The following ARHGAP24 variants were observed in gnomAD, a reference collection of about 807,000 sequenced individuals.
ARHGAP24 encodes the protein rho GTPase-activating protein 24.
A neutral mutation model predicts 76.4 loss-of-function variants in ARHGAP24; 50 were observed. That is an observed-to-expected ratio of 0.65 (90% CI 0.52 to 0.83). The LOEUF (loss-of-function observed/expected upper bound fraction) is 0.83, where lower values mean the gene tolerates loss of function less well. Ranked by LOEUF, ARHGAP24 falls within the 40% of genes least tolerant of loss-of-function variation. The pLI is 0.00. For synonymous variants in ARHGAP24, 345 were observed against 323.3 expected, an observed-to-expected ratio of 1.07 and a Z score of -0.72; for missense variants, 930 against 914.2, an observed-to-expected ratio of 1.02 and a Z score of -0.22.
At chr4:85,520,616 T>C (rs1724703650) in intron 1 of ARHGAP24, among the ~76,000 whole-genome samples, 1 of 152,148 alleles carries the variant, frequency 6.6e-6, no homozygotes, top group Non-Finnish European at 1.5e-5. Context: ...TATGCTACAA[T>C]AAGCCCTTGT....
intron 6 of ARHGAP24, among the ~76,000 whole-genome samples, chr4:85,972,643 T>C (rs148742309): frequency 3.9e-4 from 59 of 152,272 alleles, no homozygotes; most frequent in African/African-American, 1.4e-3. Context: ...ATTCTCAGAG[T>C]TGTGCAACTC....
Position 85,792,671 on chromosome 4 carries a change from C to T in ARHGAP24, c.268+70699C>T, listed in dbSNP as rs114705077. Among the ~76,000 whole-genome samples the T allele has an allele frequency of 7.8e-3, 1,193 of 152,208 alleles. 12 individuals are homozygous for T. Among genetic ancestry groups the T allele is most frequent in the African/African-American group, 0.027 (1,141 of 41,540 alleles). On this transcript the variant is annotated intron_variant, in intron 3 of 9. Coordinates refer to ENST00000395184, the MANE Select transcript of ARHGAP24 (RefSeq NM_001025616.3). ...ATTTCTCTCCTTGATTGTCTCAGCTCTCTCTACACACATTTTCTCAGTTTG... is the reference window on the plus strand; with the variant it reads ...ATTTCTCTCCTTGATTGTCTCAGCTTTCTCTACACACATTTTCTCAGTTTG...
At chr4:85,599,899 A>T (rs557178337) in intron 2 of ARHGAP24, among the ~76,000 whole-genome samples, 1 of 152,258 alleles carries the variant, frequency 6.6e-6, no homozygotes, top group South Asian at 2.1e-4. Context: ...TTAACCCTAA[A>T]TGTGTGCTAA....
chr4:85,516,193 G>C (rs377463952), intron 1 of ARHGAP24, among the ~76,000 whole-genome samples: 1 of 152,206 alleles, frequency 6.6e-6, no homozygotes, highest in South Asian at 2.1e-4. Context: ...GGGTGTGAGA[G>C]TGCACCTGTG....
In ARHGAP24 at chr4:85,974,923, G is replaced by A; in HGVS notation, c.768G>A (p.Leu256=). Residue 256 remains leucine (L), a synonymous_variant, in exon 7 of 10, where the codon TTG becomes TTA. Coordinates refer to ENST00000395184, the MANE Select transcript of ARHGAP24 (RefSeq NM_001025616.3). ...VKELAKQVKS[L]PVVNYNLLKY... is the part of the protein sequence containing the mutation. ...AATTAGCAAAGCAGGTGAAGAGTTT[G>A]CCAGTGGTAAATTACAACCTCCTCA... 1 of 1,613,902 alleles carries A rather than the reference G, an allele frequency of 6.2e-7. No individual in the cohort carries two copies. The highest frequency in any genetic ancestry group is 1.7e-5 in the Admixed American group (1 of 60,022).
At chr4:85,641,485 T>A (rs1721519392) in intron 2 of ARHGAP24, among the ~76,000 whole-genome samples, 1 of 152,172 alleles carries the variant, frequency 6.6e-6, no homozygotes, top group South Asian at 2.1e-4. Flanking sequence ...AGGGAAAATC[T>A]GTTCCACACC....
chr4:85,589,023 A>C (rs1727978511), intron 2 of ARHGAP24, among the ~76,000 whole-genome samples: 1 of 152,250 alleles, frequency 6.6e-6, no homozygotes, highest in South Asian at 2.1e-4. Flanking sequence ...AGGTGAAGAC[A>C]ACTTTGTAAA....
intron 3 of ARHGAP24, among the ~76,000 whole-genome samples, chr4:85,771,786 T>C (rs754566500): frequency 8.5e-5 from 13 of 152,242 alleles, no homozygotes; most frequent in Non-Finnish European, 1.6e-4. Context: ...CCCAGCTTAC[T>C]GCAACCTCTG....
At chr4:85,976,652 A>T (rs1739344064) in intron 7 of ARHGAP24, among the ~76,000 whole-genome samples, 1 of 152,234 alleles carries the variant, frequency 6.6e-6, no homozygotes. Context: ...CTGAAAGATT[A>T]TGAAAACAAT....
chr4:85,755,626 G>GGTT (rs1726448976), intron 3 of ARHGAP24, among the ~76,000 whole-genome samples: 3 of 117,372 alleles, frequency 2.6e-5, no homozygotes, highest in Admixed American at 1.0e-4. Flanking sequence ...CTATTCTTTT[G>GGTT]TTTTGTTTTG....
intron 3 of ARHGAP24, among the ~76,000 whole-genome samples, chr4:85,788,285 T>C (rs564940364): frequency 9.2e-5 from 14 of 152,266 alleles, no homozygotes; most frequent in African/African-American, 2.6e-4. Context: ...CCTGGCAATA[T>C]AAAAAAATAA....
chr4:85,581,190 A>T, intron 2 of ARHGAP24, among the ~76,000 whole-genome samples: 1 of 152,166 alleles, frequency 6.6e-6, no homozygotes, highest in South Asian at 2.1e-4. Flanking sequence ...ATTTTAAAAT[A>T]TTAAAGTACT....
intron 2 of ARHGAP24, among the ~76,000 whole-genome samples, chr4:85,647,488 AG>A (rs1017424905): frequency 5.8e-4 from 89 of 152,182 alleles, no homozygotes; most frequent in African/African-American, 2.1e-3. Flanking sequence ...CCTGGCCTGG[AG>A]TCCTGACTCT....
intron 2 of ARHGAP24, among the ~76,000 whole-genome samples, chr4:85,596,796 A>AT (rs1476670097): frequency 1.3e-5 from 2 of 152,086 alleles, no homozygotes; most frequent in East Asian, 1.9e-4. Flanking sequence ...TGATAACTAG[A>AT]TTTTTTTACT....
intron 3 of ARHGAP24, among the ~76,000 whole-genome samples, chr4:85,909,208 A>G (rs1175242455): frequency 6.6e-6 from 1 of 152,172 alleles, no homozygotes; most frequent in Non-Finnish European, 1.5e-5. Flanking sequence ...TGCAGAGTCT[A>G]CCATAGAGAA....
intron 2 of ARHGAP24, among the ~76,000 whole-genome samples, chr4:85,650,507 T>A (rs1560569511): frequency 6.7e-6 from 1 of 149,504 alleles, no homozygotes; most frequent in Non-Finnish European, 1.5e-5. Flanking sequence ...AATACCTGTC[T>A]TATTGTTGAT....
At chr4:85,818,306 G>T (rs1344364700) in intron 3 of ARHGAP24, among the ~76,000 whole-genome samples, 1 of 152,220 alleles carries the variant, frequency 6.6e-6, no homozygotes, top group South Asian at 2.1e-4. Context: ...ACCTGCAGGG[G>T]GTGAAATCAA....
At chr4:85,510,969 C>G (rs1054410730) in intron 1 of ARHGAP24, among the ~76,000 whole-genome samples, 2 of 152,090 alleles carry the variant, frequency 1.3e-5, no homozygotes, top group African/African-American at 4.8e-5. Flanking sequence ...TTTACCCACC[C>G]TAGTATTAGT....
At chr4:85,503,068 C>T (rs6531824) in intron 1 of ARHGAP24, among the ~76,000 whole-genome samples, 104,703 of 152,060 alleles carry the variant, frequency 0.69, 37,289 homozygotes, top group East Asian at 0.86. Flanking sequence ...GGGATGAAGC[C>T]GACTTGATCG....
Sources: gnomAD v4.1 joint callset for allele counts (sites outside exome capture counted in the v4.1 genomes callset) on GRCh38, gnomAD v4.1.1 for gene constraint, MANE v1.5 for transcripts, NCBI Gene and HGNC (gene_info 2026-07-23, HGNC 2026-07-21) for gene names.